The following KIAA1586 variants were observed in gnomAD, a reference collection of about 807,000 sequenced individuals.
KIAA1586 encodes E3 SUMO-protein ligase KIAA1586.
In KIAA1586, 5 loss-of-function variants were observed where a neutral mutation model predicts 6.1. That is an observed-to-expected ratio of 0.82 (90% CI 0.43 to 1.73). The LOEUF is 1.73. KIAA1586 is among the 40% of genes most tolerant of loss of function. The pLI is 0.02. For synonymous variants in KIAA1586, 280 were observed against 301.7 expected, an observed-to-expected ratio of 0.93 and a Z score of 0.75; for missense variants, 899 against 878.2, an observed-to-expected ratio of 1.02 and a Z score of -0.30.
In KIAA1586 at chr6:57,054,298, C is replaced by T. The variant is rs748833268; in HGVS notation, c.1799C>T (p.Ala600Val). 7.6e-6 allele frequency: 12 copies of T among 1,579,112 alleles called. No homozygotes were observed. The South Asian group carries it at 1.4e-4, about 18-fold the overall frequency. Residue 600 changes from alanine to valine, a missense_variant, in exon 4 of 4, where the codon GCT (alanine) becomes GTT (valine). Transcript: ENST00000370733. ...TTTAATAAAAACAATAAATTTAATG[C>T]TCTTCCTAGGAGTATATTACTAGAC... is the stretch of plus-strand genomic sequence containing the variant. ...IPFNKNNKFN[A>V]LPRSILLDNI... is the part of the protein sequence containing the mutation.
chr6:57,059,860 A>T (rs1828543424), downstream of KIAA1586, among the ~76,000 whole-genome samples: 1 of 152,198 alleles, frequency 6.6e-6, no homozygotes, highest in Non-Finnish European at 1.5e-5. Flanking sequence ...TGCTCAAACT[A>T]GAAAGGTAGA....
At chr6:57,047,897 G>A (rs1828223431) in intron 2 of KIAA1586, among the ~76,000 whole-genome samples, 1 of 128,668 alleles carries the variant, frequency 7.8e-6, no homozygotes, top group African/African-American at 3.2e-5. Context: ...TACATCACTG[G>A]GAACATGCTC....
intron 2 of KIAA1586, among the ~76,000 whole-genome samples, chr6:57,049,819 T>G (rs1165772203): frequency 6.6e-6 from 1 of 152,184 alleles, no homozygotes; most frequent in Non-Finnish European, 1.5e-5. Context: ...GGATTTTGAC[T>G]AGGGCATTTA....
chr6:57,065,746 C>G, the KIAA1586 span, among the ~76,000 whole-genome samples: 3 of 152,124 alleles, frequency 2.0e-5, no homozygotes, highest in Non-Finnish European at 4.4e-5. Context: ...ACAATGGACC[C>G]TTTCGAACTG....
chr6:57,049,983 A>G (rs1319461598), intron 2 of KIAA1586, among the ~76,000 whole-genome samples: 3 of 151,998 alleles, frequency 2.0e-5, no homozygotes, highest in African/African-American at 4.8e-5. Context: ...AAAAAATTGT[A>G]CTATGAAATC....
chr6:57,061,874 G>A, the KIAA1586 span, among the ~76,000 whole-genome samples: 5 of 150,842 alleles, frequency 3.3e-5, no homozygotes, highest in South Asian at 1.0e-3. Flanking sequence ...AGGTGAAAAA[G>A]ACATGATCTT....
At chr6:57,051,658 G>A (rs558660171) in intron 3 of KIAA1586, among the ~76,000 whole-genome samples, 57 of 152,122 alleles carry the variant, frequency 3.7e-4, no homozygotes, top group Middle Eastern at 3.4e-3. Flanking sequence ...ACTCGGCCAG[G>A]CATGGTGGCT....
chr6:57,050,169 T>C (rs1185953950), intron 2 of KIAA1586, among the ~76,000 whole-genome samples: 1 of 151,976 alleles, frequency 6.6e-6, no homozygotes, highest in East Asian at 1.9e-4. Context: ...ATCTGTGCTA[T>C]TTCCCATTTT....
the KIAA1586 span, among the ~76,000 whole-genome samples, chr6:57,064,055 G>T: frequency 2.0e-5 from 3 of 152,210 alleles, no homozygotes; most frequent in Non-Finnish European, 4.4e-5. Context: ...CCCTAAGGGA[G>T]CAACAGGCTT....
At chr6:57,051,384 T>C (rs1050024874) in intron 3 of KIAA1586, among the ~76,000 whole-genome samples, 1 of 151,798 alleles carries the variant, frequency 6.6e-6, no homozygotes, top group Non-Finnish European at 1.5e-5. Context: ...CATCATTTCC[T>C]ACTATCTGTG....
chr6:57,053,924 A>C lies in KIAA1586; in HGVS notation c.1425A>C (p.Lys475Asn), dbSNP rs1828420590. 10 of 1,581,574 alleles carry C rather than the reference A, an allele frequency of 6.3e-6. No homozygotes were observed. The highest frequency in any genetic ancestry group is 7.7e-6 in the Non-Finnish European group (9 of 1,168,762). The stretch of plus-strand genomic sequence containing the variant: ...AAGAACTTGAAACTGAAATTATTAA[A>C]ATTGGTCGAGTAATGGGACCAAGAT... ...VAKELETEII[K>N]IGRVMGPRWA... Residue 475 changes from lysine (K) to asparagine (N), a missense_variant, in exon 4 of 4, where the codon AAA becomes AAC. By Grantham distance (94) the Lys-to-Asn change is moderately conservative (BLOSUM62 0). Transcript: ENST00000370733.
At chr6:57,059,588 GA>G (rs36057059), downstream of KIAA1586, among the ~76,000 whole-genome samples, 9 of 141,668 alleles carry the variant, frequency 6.4e-5, no homozygotes, top group Non-Finnish European at 9.1e-5. Flanking sequence ...GACTCTGTCT[GA>G]AAAAAAAAAA....
Position 57,054,368 on chromosome 6 carries a change from C to T in KIAA1586, c.1869C>T (p.Asn623=). The T allele has an allele frequency of 6.2e-7, 1 of 1,607,532 alleles. No homozygotes were observed. The highest frequency in any genetic ancestry group is 8.5e-7 in the Non-Finnish European group (1 of 1,177,840). The change falls in exon 4 of 4, where the codon AAC becomes AAT. Residue 623 remains asparagine, a synonymous_variant. Coordinates refer to ENST00000370733, the MANE Select transcript of KIAA1586 (RefSeq NM_020931.4). ...HMNLRLLSDR[N]HEDIFNYFDL... is the part of the protein sequence containing the mutation. ...ACCTACGCCTTTTATCTGACAGAAA[C>T]CATGAAGATATTTTTAATTACTTTG...
chr6:57,049,050 C>A (rs762536863), intron 2 of KIAA1586, among the ~76,000 whole-genome samples: 3 of 151,656 alleles, frequency 2.0e-5, no homozygotes, highest in Admixed American at 6.6e-5. Flanking sequence ...GTATATCCAG[C>A]GTGATAGAAC....
At position 57,054,653 on chromosome 6, in the gene KIAA1586, TACA is replaced by T; in HGVS notation, c.2156_2158del (p.Thr719del). 6.4e-7 allele frequency: 1 copy of T among 1,568,456 alleles called. No individual in the cohort carries two copies. Among genetic ancestry groups the T allele is most frequent in the Non-Finnish European group, 8.7e-7 (1 of 1,154,178 alleles). ...GTTTCAATTTAATGAACATAATTTG[TACA>T]AGGGTGAGAAATAGTTTAACAATAG... On this transcript the variant is annotated inframe_deletion, in exon 4 of 4. Coordinates refer to ENST00000370733, the MANE Select transcript of KIAA1586 (RefSeq NM_020931.4).
chr6:57,062,021 A>G, the KIAA1586 span, among the ~76,000 whole-genome samples: 1 of 150,452 alleles, frequency 6.6e-6, no homozygotes, highest in Admixed American at 6.7e-5. Flanking sequence ...AACCTCCACC[A>G]CCTGGGCTCA....
chr6:57,063,852 G>C, the KIAA1586 span, among the ~76,000 whole-genome samples: 1 of 152,088 alleles, frequency 6.6e-6, no homozygotes, highest in African/African-American at 2.4e-5. Flanking sequence ...AATATTTCGA[G>C]TACTATAAAA....
At chr6:57,063,068 T>A in the KIAA1586 span, among the ~76,000 whole-genome samples, 48 of 151,854 alleles carry the variant, frequency 3.2e-4, 1 homozygote, top group African/African-American at 1.2e-3. Context: ...AAAAAAAAAA[T>A]TGGAAATTTA....
chr6:57,048,159 T>A (rs1231725799), intron 2 of KIAA1586, among the ~76,000 whole-genome samples: 1 of 151,598 alleles, frequency 6.6e-6, no homozygotes, highest in Non-Finnish European at 1.5e-5. Context: ...ATTGTTGGAG[T>A]TTTAGAAAGG....
Sources: allele counts gnomAD v4.1 joint callset (sites outside exome capture counted in the v4.1 genomes callset), GRCh38; gene constraint gnomAD v4.1.1; transcripts MANE v1.5; gene names NCBI Gene and HGNC (gene_info 2026-07-23, HGNC 2026-07-21).